The following RGPD1 variants were observed in gnomAD, a reference collection of about 807,000 sequenced individuals.
RGPD1 encodes RANBP2-like and GRIP domain-containing protein 1.
Under a neutral mutation model 40.6 loss-of-function variants are expected in RGPD1, and 7 were observed. That is an observed-to-expected ratio of 0.17 (90% CI 0.10 to 0.32). The LOEUF is 0.32. Ranked by LOEUF, RGPD1 falls within the 10% of genes least tolerant of loss-of-function variation. The pLI, the probability that RGPD1 is intolerant of heterozygous loss-of-function variation, is 1.00. For synonymous variants in RGPD1, 24 were observed against 167.0 expected, an observed-to-expected ratio of 0.14 and a Z score of 6.60; for missense variants, 50 against 472.5, an observed-to-expected ratio of 0.11 and a Z score of 8.29.
intron 6 of RGPD1, among the ~76,000 whole-genome samples, chr2:86,960,572 T>C (rs1373961278): frequency 1.6e-5 from 2 of 127,936 alleles, no homozygotes; most frequent in Non-Finnish European, 3.2e-5. Flanking sequence ...GGTTTCATCA[T>C]GTTGGCCAGG....
chr2:86,914,613 C>CGGCGGCGGCGGCGGCCTCGACCTGGCCG (rs1677678056), intron 1 of RGPD1, among the ~76,000 whole-genome samples: 1 of 42,846 alleles, frequency 2.3e-5, no homozygotes, highest in African/African-American at 1.4e-4. Context: ...CCTGGCCGGG[C>CGGCGGCGGCGGCGGCCTCGACCTGGCCG]GGCGGCGGCG....
At chr2:86,930,073 C>T (rs1400943903) in intron 1 of RGPD1, among the ~76,000 whole-genome samples, 2 of 142,636 alleles carry the variant, frequency 1.4e-5, no homozygotes, top group Non-Finnish European at 3.1e-5. Context: ...CTCAGCCTCA[C>T]CGGAGGCAGG....
At chr2:86,954,841 C>T (rs1042029131) in intron 4 of RGPD1, among the ~76,000 whole-genome samples, 1 of 139,820 alleles carries the variant, frequency 7.2e-6, no homozygotes, top group African/African-American at 2.6e-5. Flanking sequence ...ACTCTATTAC[C>T]ACAGAGATCT....
At chr2:86,914,690 C>A (rs1456497874) in intron 1 of RGPD1, among the ~76,000 whole-genome samples, 3 of 28,640 alleles carry the variant, frequency 1.0e-4, no homozygotes, top group Non-Finnish European at 1.9e-4. Context: ...CGGGCGGCGG[C>A]GGCGGCGGCG....
At chr2:86,945,680 C>A (rs914668152) in intron 1 of RGPD1, among the ~76,000 whole-genome samples, 1 of 151,884 alleles carries the variant, frequency 6.6e-6, no homozygotes, top group African/African-American at 2.4e-5. Flanking sequence ...GGCAGAGAGA[C>A]CAGCCTGACC....
At chr2:86,924,303 G>T (rs976386194) in intron 1 of RGPD1, among the ~76,000 whole-genome samples, 2 of 151,578 alleles carry the variant, frequency 1.3e-5, no homozygotes, top group Non-Finnish European at 2.9e-5. Flanking sequence ...TTACAGGTAT[G>T]CGCCACCATG....
chr2:87,011,709 T>TAAAAC lies in RGPD1; in HGVS notation c.5237-788_5237-784dup, dbSNP rs771055052. ...CAGATGAGAAGACTGAGTGGCAACGTAAAACAAAACAAAACAAAACTTGCC... is the reference window on the plus strand; with the variant it reads ...CAGATGAGAAGACTGAGTGGCAACGTAAAACAAAACAAAACAAAACAAAACTTGCC... On this transcript the variant is annotated intron_variant, in intron 22 of 22. Transcript: ENST00000641458. 5.4e-3 allele frequency among the ~76,000 whole-genome samples: 581 copies of TAAAAC among 106,874 alleles called. 119 individuals carry two copies. Among genetic ancestry groups the TAAAAC allele is most frequent in the Non-Finnish European group, 8.5e-3 (418 of 49,322 alleles). The allele number at this position is 106,874 out of a possible 152,430, so 70.1% of individuals were successfully genotyped here. A position where few individuals can be genotyped will look rare whatever the true frequency, so the allele number is the denominator to read the frequency against.
At chr2:86,938,716 GTA>G (rs1679516076), upstream of RGPD1, among the ~76,000 whole-genome samples, 1 of 146,704 alleles carries the variant, frequency 6.8e-6, no homozygotes, top group Admixed American at 6.8e-5. Context: ...CCCAGCCTTT[GTA>G]TAAGGGCACT....
intron 21 of RGPD1, among the ~76,000 whole-genome samples, chr2:86,996,559 CTTTA>C (rs2104850900): frequency 8.2e-6 from 1 of 122,492 alleles, no homozygotes; most frequent in East Asian, 2.7e-4. Flanking sequence ...TCTTTGTCTT[CTTTA>C]TTGTCACTTT....
At position 86,913,876 on chromosome 2, in the gene RGPD1, G is replaced by GTTGGCCTA. The variant is rs1677561265; in HGVS notation, c.27_28insTTGGCCTA (p.Arg10LeufsTer20). 1 of 1,580,568 alleles carries GTTGGCCTA rather than the reference G, an allele frequency of 6.3e-7. No homozygotes were observed. The highest frequency in any genetic ancestry group is 1.4e-5 in the African/African-American group (1 of 73,216). On this transcript the variant is annotated frameshift_variant, in exon 1 of 23. Coordinates refer to the RGPD1 transcript ENST00000398193. LOFTEE classifies it high-confidence loss of function. Reference sequence around the variant, plus strand: ...TGAGGCGCAGCAAGGCCTACGGGGAGCGGTACCTCGCCTCGGTGCAGGGCT... The same window carrying GTTGGCCTA: ...TGAGGCGCAGCAAGGCCTACGGGGAGTTGGCCTACGGTACCTCGCCTCGGTGCAGGGCT...
At chr2:86,931,832 T>G (rs1678988467) in intron 1 of RGPD1, among the ~76,000 whole-genome samples, 1 of 149,034 alleles carries the variant, frequency 6.7e-6, no homozygotes, top group Non-Finnish European at 1.5e-5. Flanking sequence ...TTTGGAACCC[T>G]CATGATACTC....
intron 1 of RGPD1, among the ~76,000 whole-genome samples, chr2:86,935,970 CAG>C (rs1679321889): frequency 7.1e-6 from 1 of 140,858 alleles, no homozygotes; most frequent in African/African-American, 2.7e-5. Flanking sequence ...TAATAATTAT[CAG>C]ATATTTTCTT....
Position 86,986,864 on chromosome 2 carries a change from G to T in RGPD1, c.3965G>T (p.Arg1322Ile). The change falls in exon 20 of 23, where the codon AGA (arginine) becomes ATA (isoleucine). Residue 1322 changes from arginine (R) to isoleucine (I), a missense_variant. Physicochemically the swap from Arg to Ile is moderately conservative, Grantham distance 97 (BLOSUM62 -3). Coordinates refer to ENST00000641458, the MANE Select transcript of RGPD1 (RefSeq NM_001382344.1). ...EESDVTQEEE[R>I]DGQYFEPVVP... The stretch of plus-strand genomic sequence containing the variant: ...TCTGATGTTACTCAAGAAGAAGAGA[G>T]AGATGGACAGTACTTTGAACCTGTT... 1 of 1,543,782 alleles carries T rather than the reference G, an allele frequency of 6.5e-7. No individual in the cohort carries two copies. The highest frequency in any genetic ancestry group is 8.7e-7 in the Non-Finnish European group (1 of 1,151,056).
chr2:86,923,533 A>T (rs1468185430), intron 1 of RGPD1, among the ~76,000 whole-genome samples: 6 of 147,876 alleles, frequency 4.1e-5, no homozygotes, highest in African/African-American at 1.0e-4. Context: ...TTTTTTTTTG[A>T]GACGGAGTCT....
intron 1 of RGPD1, among the ~76,000 whole-genome samples, chr2:86,931,320 A>G (rs1429483149): frequency 6.6e-6 from 1 of 151,560 alleles, no homozygotes; most frequent in African/African-American, 2.4e-5. Context: ...ATTGCATGTT[A>G]GTATCTTAAA....
rs543274730 is a variant in RGPD1 at position 86,942,867 on chromosome 2, CT to C, written c.72+562del. Reference sequence around the variant, plus strand: ...GGGGGGACCGCGGTGGGCGGGATACCTTTGGCGCCGGATCTTCCTCTTTCTC... The same window carrying C: ...GGGGGGACCGCGGTGGGCGGGATACCTTGGCGCCGGATCTTCCTCTTTCTC... On this transcript the variant is annotated intron_variant, in intron 1 of 22. Coordinates refer to ENST00000641458, the MANE Select transcript of RGPD1 (RefSeq NM_001382344.1). Among the ~76,000 whole-genome samples, 50 of 152,108 alleles carry C rather than the reference CT, an allele frequency of 3.3e-4. 1 individual carries two copies. The East Asian group carries it at 9.7e-3, about 30-fold the overall frequency.
chr2:86,934,296 G>GCTGCAGT lies in RGPD1; in HGVS notation c.73-16999_73-16993dup, dbSNP rs1476863453. Reference sequence around the variant, plus strand: ...AACTGCTTGAATCCAGGAGGCGAAGGCTGCAGTGAGCAGATTGCACCACTG... The same window carrying GCTGCAGT: ...AACTGCTTGAATCCAGGAGGCGAAGGCTGCAGTCTGCAGTGAGCAGATTGCACCACTG... On this transcript the variant is annotated intron_variant, in intron 1 of 22. Transcript: ENST00000398193. Among the ~76,000 whole-genome samples the GCTGCAGT allele has an allele frequency of 8.1e-5, 12 of 148,076 alleles. 2 individuals are homozygous for GCTGCAGT. The highest frequency in any genetic ancestry group is 7.4e-4 in the Admixed American group (11 of 14,840).
At chr2:86,918,457 T>C (rs1381094259) in intron 1 of RGPD1, among the ~76,000 whole-genome samples, 1,473 of 126,648 alleles carry the variant, frequency 0.012, 33 homozygotes, top group Middle Eastern at 0.016. Context: ...CCAAATCTTT[T>C]TTTTTTTTTT....
rs996626396 is a variant in RGPD1 at position 86,923,293 on chromosome 2, G to C, written c.72+9372G>C. Among the ~76,000 whole-genome samples the C allele has an allele frequency of 7.3e-5, 11 of 151,672 alleles. 1 individual carries two copies. The highest frequency in any genetic ancestry group is 2.7e-4 in the African/African-American group (11 of 41,100). ...ACCTCAAGTGACCTTCCTGACCTTG[G>C]TGTCCCAAAGTGCTGGGATTACAGG... On this transcript the variant is annotated intron_variant, in intron 1 of 22. Transcript: ENST00000398193.
Sources: gnomAD v4.1 joint callset for allele counts (sites outside exome capture counted in the v4.1 genomes callset) on GRCh38, gnomAD v4.1.1 for gene constraint, MANE v1.5 for transcripts, NCBI Gene and HGNC (gene_info 2026-07-23, HGNC 2026-07-21) for gene names.